ZMYM4: variants seen among roughly 807,000 people sequenced by gnomAD.
ZMYM4 encodes the protein zinc finger MYM-type containing 4.
A neutral mutation model predicts 183.2 loss-of-function variants in ZMYM4; 31 were observed. The ratio of observed to expected loss-of-function variants is 0.17; its 90% CI spans 0.13 to 0.23. The LOEUF is 0.23. Among genes scored for constraint, ZMYM4 ranks in the 10% least tolerant of loss-of-function variants. ZMYM4 has a pLI of 1.00. For synonymous variants in ZMYM4, 592 were observed against 631.2 expected (o/e 0.94, Z 0.93); for missense variants, 1,273 against 1,840.3 (o/e 0.69, Z 5.64).
intron 2 of ZMYM4, among the ~76,000 whole-genome samples, chr1:35,357,568 G>C (rs1259881381): frequency 2.0e-5 from 3 of 152,196 alleles, no homozygotes; most frequent in Non-Finnish European, 4.4e-5. Context: ...TAGGTGCTAA[G>C]TGGAAAAGAT....
At chr1:35,303,838 TC>T (rs1333984043) in intron 1 of ZMYM4, among the ~76,000 whole-genome samples, 1 of 152,202 alleles carries the variant, frequency 6.6e-6, no homozygotes, top group Non-Finnish European at 1.5e-5. Context: ...TGCTTTCTTT[TC>T]CTAGCTTCTT....
chr1:35,374,722 G>T (rs920183025), intron 7 of ZMYM4, among the ~76,000 whole-genome samples: 4 of 150,058 alleles, frequency 2.7e-5, no homozygotes, highest in African/African-American at 9.8e-5. Context: ...AGATTTATCA[G>T]TTATTTTCAA....
At chr1:35,309,870 A>G (rs1641712110) in intron 1 of ZMYM4, among the ~76,000 whole-genome samples, 1 of 151,306 alleles carries the variant, frequency 6.6e-6, no homozygotes, top group South Asian at 2.1e-4. Context: ...TATTTAAGGG[A>G]CATCTTCTTA....
intron 7 of ZMYM4, 106 bp downstream of exon 7, chr1:35,370,733 T>G: frequency 6.2e-6 from 7 of 1,137,246 alleles, no homozygotes; most frequent in Non-Finnish European, 6.6e-6. Flanking sequence ...ATTCCTTTTT[T>G]TTTTTTTTTT....
intron 1 of ZMYM4, among the ~76,000 whole-genome samples, chr1:35,278,248 A>G (rs191249305): frequency 7.5e-5 from 11 of 147,342 alleles, no homozygotes; most frequent in African/African-American, 2.8e-4. Flanking sequence ...TTACCTCTCC[A>G]AAGATCTAGT....
chr1:35,382,168 A>T (rs1644473210), intron 9 of ZMYM4, among the ~76,000 whole-genome samples: 1 of 132,808 alleles, frequency 7.5e-6, no homozygotes, highest in Non-Finnish European at 1.5e-5. Flanking sequence ...ACAAAAATGT[A>T]TATATACACA....
chr1:35,398,522 C>G, intron 21 of ZMYM4, 56 bp downstream of exon 21: 2 of 1,466,230 alleles, frequency 1.4e-6, no homozygotes, highest in Non-Finnish European at 1.9e-6. Context: ...TGTTAGAAAC[C>G]TATAAAATAT....
At chr1:35,298,087 C>T (rs531792701) in intron 1 of ZMYM4, among the ~76,000 whole-genome samples, 1 of 152,298 alleles carries the variant, frequency 6.6e-6, no homozygotes, top group East Asian at 1.9e-4. Context: ...ATGGCCAGCC[C>T]ACCAGCTTCA....
intron 1 of ZMYM4, among the ~76,000 whole-genome samples, chr1:35,317,863 C>G (rs1168015594): frequency 6.6e-6 from 1 of 151,858 alleles, no homozygotes; most frequent in Non-Finnish European, 1.5e-5. Flanking sequence ...GATATGTCAC[C>G]TGAAGAATTC....
At chr1:35,271,666 G>A (rs554809443) in intron 1 of ZMYM4, among the ~76,000 whole-genome samples, 1 of 152,334 alleles carries the variant, frequency 6.6e-6, no homozygotes, top group East Asian at 1.9e-4. Flanking sequence ...GCTTCCCAAA[G>A]TGCTGGGATT....
chr1:35,276,728 C>T (rs1452162008), intron 1 of ZMYM4, among the ~76,000 whole-genome samples: 1 of 152,162 alleles, frequency 6.6e-6, no homozygotes, highest in Non-Finnish European at 1.5e-5. Context: ...CTGCTTCAGC[C>T]TCCCGAGTAG....
intron 27 of ZMYM4, 77 bp from the exon 28 acceptor site, chr1:35,415,385 CCTGT>C: frequency 6.4e-7 from 1 of 1,552,362 alleles, no homozygotes; most frequent in Non-Finnish European, 8.8e-7. Flanking sequence ...TTTATATCTC[CCTGT>C]CTTAGAATTT....
At chr1:35,357,968 A>G (rs763696028) in intron 2 of ZMYM4, among the ~76,000 whole-genome samples, 7 of 152,186 alleles carry the variant, frequency 4.6e-5, no homozygotes, top group Non-Finnish European at 7.3e-5. Context: ...CAATTAAGGA[A>G]AGTAAGAAAT....
Position 35,420,939 on chromosome 1 carries a change from C to CATA in ZMYM4, c.*1263_*1265dup. ...CAGTAGTTCTATGAGGATTGCAAGT[C>CATA]ATAGGTGTGTGTGGCATATCAGTCC... On this transcript the variant is annotated 3_prime_UTR_variant, in exon 30 of 30. Coordinates refer to ENST00000314607, the MANE Select transcript of ZMYM4 (RefSeq NM_005095.3). 1 of 152,450 alleles carries CATA rather than the reference C, an allele frequency of 6.6e-6. No homozygotes were observed. 9.4% of individuals were successfully genotyped at this position (152,450 alleles called of 1,614,324 possible).
At chr1:35,361,950 G>A (rs111576495) in intron 5 of ZMYM4, among the ~76,000 whole-genome samples, 161 bp downstream of exon 5, 1 of 152,142 alleles carries the variant, frequency 6.6e-6, no homozygotes. Flanking sequence ...AGGCATTAAC[G>A]AGCTATATGA....
chr1:35,406,830 G>A (rs1346012638), intron 25 of ZMYM4, among the ~76,000 whole-genome samples: 1 of 152,180 alleles, frequency 6.6e-6, no homozygotes, highest in Non-Finnish European at 1.5e-5. Context: ...TGACTAGAAA[G>A]GGTGTTTTAA....
intron 23 of ZMYM4, among the ~76,000 whole-genome samples, chr1:35,402,116 TAAAA>T (rs35016137): frequency 8.0e-6 from 1 of 124,770 alleles, no homozygotes; most frequent in Admixed American, 8.1e-5. Context: ...TCAATTTCTT[TAAAA>T]AAAAAAAAAA....
At chr1:35,358,323 G>A (rs1265360004) in intron 2 of ZMYM4, among the ~76,000 whole-genome samples, 1 of 152,084 alleles carries the variant, frequency 6.6e-6, no homozygotes, top group Non-Finnish European at 1.5e-5. Context: ...TTTATTCTAG[G>A]TTGGATAAAA....
At chr1:35,330,475 C>T (rs1474737741) in intron 2 of ZMYM4, among the ~76,000 whole-genome samples, 1 of 152,122 alleles carries the variant, frequency 6.6e-6, no homozygotes, top group Admixed American at 6.5e-5. Flanking sequence ...AGGCACACTT[C>T]TGAACAGAAT....
Sources: gnomAD v4.1 joint callset for allele counts (sites outside exome capture counted in the v4.1 genomes callset) on GRCh38, gnomAD v4.1.1 for gene constraint, MANE v1.5 for transcripts, NCBI Gene and HGNC (gene_info 2026-07-23, HGNC 2026-07-21) for gene names.